The following DIP2C variants were observed in gnomAD, a reference collection of about 807,000 sequenced individuals.
The protein encoded by DIP2C is disco-interacting protein 2 homolog C.
In DIP2C, 33 loss-of-function variants were observed where a neutral mutation model predicts 192.4. That is an observed-to-expected ratio of 0.17 (90% CI 0.13 to 0.23). The LOEUF is 0.23. DIP2C is among the 10% of genes least tolerant of loss of function. The pLI, the probability that DIP2C is intolerant of heterozygous loss-of-function variation, is 1.00. For synonymous variants in DIP2C, 979 were observed against 864.1 expected, an observed-to-expected ratio of 1.13 and a Z score of -2.33; for missense variants, 1,537 against 2,110.1, an observed-to-expected ratio of 0.73 and a Z score of 5.32.
At chr10:498,650 A>T (rs1390852076) in intron 1 of DIP2C, among the ~76,000 whole-genome samples, 1 of 152,072 alleles carries the variant, frequency 6.6e-6, no homozygotes, top group African/African-American at 2.4e-5. Context: ...CAGAGAATAT[A>T]ATTTTTCAAT....
chr10:676,134 C>T (rs1338179928), intron 1 of DIP2C, among the ~76,000 whole-genome samples: 1 of 152,194 alleles, frequency 6.6e-6, no homozygotes, highest in Non-Finnish European at 1.5e-5. Context: ...CACGCTACAT[C>T]ACATCAACAG....
chr10:580,858 G>C (rs1214064808), intron 1 of DIP2C, among the ~76,000 whole-genome samples: 2 of 152,236 alleles, frequency 1.3e-5, no homozygotes, highest in African/African-American at 2.4e-5. Context: ...GCTCTGGCTT[G>C]ACTGTGGAGT....
intron 32 of DIP2C, among the ~76,000 whole-genome samples, chr10:296,406 A>G (rs1024992835): frequency 6.6e-6 from 1 of 152,098 alleles, no homozygotes; most frequent in Non-Finnish European, 1.5e-5. Flanking sequence ...TGGAGAGGGT[A>G]TGGAGAAACA....
rs375121438 is a variant in DIP2C at position 294,483 on chromosome 10, C to T, written c.3987-6062G>A. On this transcript the variant is annotated intron_variant, in intron 32 of 36. Transcript: ENST00000280886. ...TGAGCAAGGTGTGGTGGTGTGTACC[C>T]GCAGTCCCAACTACGTGGGAGTATC... is the stretch of plus-strand genomic sequence containing the variant. Among the ~76,000 whole-genome samples, 7 of 151,808 alleles carry T rather than the reference C, an allele frequency of 4.6e-5. No homozygotes were observed. The East Asian group carries it at 5.8e-4, about 13-fold the overall frequency.
At chr10:520,116 T>C (rs755186685) in intron 1 of DIP2C, among the ~76,000 whole-genome samples, 2 of 152,216 alleles carry the variant, frequency 1.3e-5, no homozygotes, top group Non-Finnish European at 2.9e-5. Flanking sequence ...GAACAGGTCA[T>C]GCAAGGAAGT....
chr10:548,527 C>T (rs921307289), intron 1 of DIP2C, among the ~76,000 whole-genome samples: 1 of 140,658 alleles, frequency 7.1e-6, no homozygotes, highest in South Asian at 2.3e-4. Flanking sequence ...GGGAGGCAGG[C>T]AGGCAGGCAG....
intron 1 of DIP2C, among the ~76,000 whole-genome samples, chr10:514,734 G>A (rs143310970): frequency 1.4e-4 from 21 of 152,018 alleles, no homozygotes; most frequent in African/African-American, 3.4e-4. Flanking sequence ...CCCTGCGTCC[G>A]GCTTGGAGGA....
chr10:378,585 GCA>G (rs1961934853), intron 17 of DIP2C, among the ~76,000 whole-genome samples: 1 of 87,642 alleles, frequency 1.1e-5, no homozygotes, highest in Non-Finnish European at 2.2e-5. Flanking sequence ...ACATGTGAAC[GCA>G]GACATAGACA....
intron 1 of DIP2C, among the ~76,000 whole-genome samples, chr10:673,076 C>G (rs1457103675): frequency 1.3e-5 from 2 of 152,122 alleles, no homozygotes; most frequent in African/African-American, 2.4e-5. Context: ...AATGAGCTTT[C>G]CCCGGCCTTG....
At chr10:375,946 G>A (rs952406266) in intron 17 of DIP2C, among the ~76,000 whole-genome samples, 4 of 152,162 alleles carry the variant, frequency 2.6e-5, no homozygotes, top group Admixed American at 6.5e-5. Flanking sequence ...ATTTAGAGAA[G>A]AAAGAGTTAA....
chr10:611,626 C>G (rs958804872), intron 1 of DIP2C, among the ~76,000 whole-genome samples: 4 of 152,196 alleles, frequency 2.6e-5, no homozygotes, highest in African/African-American at 9.7e-5. Flanking sequence ...CCTTGCACTT[C>G]CCTTGCTCTG....
chr10:507,533 CCAAT>C lies in DIP2C; in HGVS notation c.86-21007_86-21004del, dbSNP rs570394005. Among the ~76,000 whole-genome samples the C allele has an allele frequency of 7.0e-4, 106 of 152,118 alleles. 1 individual carries two copies. The highest frequency in any genetic ancestry group is 1.7e-3 in the Admixed American group (26 of 15,266). ...TTAGGGACCCGGTCACCCGCTGTGT[CCAAT>C]CAGAGGCGTGCGAGGTTAGGGACTG... On this transcript the variant is annotated intron_variant, in intron 1 of 36. Coordinates refer to ENST00000280886, the MANE Select transcript of DIP2C (RefSeq NM_014974.3).
intron 1 of DIP2C, among the ~76,000 whole-genome samples, chr10:488,577 T>C (rs1844187060): frequency 6.6e-6 from 1 of 152,208 alleles, no homozygotes; most frequent in Non-Finnish European, 1.5e-5. Flanking sequence ...CCTGGCTTCC[T>C]GGGCTTTCCT....
At chr10:320,508 C>CAAA (rs71505870) in intron 31 of DIP2C, among the ~76,000 whole-genome samples, 19 of 106,726 alleles carry the variant, frequency 1.8e-4, no homozygotes, top group Admixed American at 5.0e-4. Context: ...GACTCCGTCT[C>CAAA]AAAAAAAAAA....
At chr10:616,253 A>C (rs2386709) in intron 1 of DIP2C, among the ~76,000 whole-genome samples, 16,320 of 152,260 alleles carry the variant, frequency 0.11, 1,241 homozygotes, top group African/African-American at 0.21. Context: ...ACAAAATTTA[A>C]AGCTAATTTA....
chr10:482,010 G>C (rs1444889110), intron 2 of DIP2C, among the ~76,000 whole-genome samples: 2 of 152,244 alleles, frequency 1.3e-5, no homozygotes, highest in Non-Finnish European at 2.9e-5. Context: ...ACCCAACTAT[G>C]ACAGTGGTAT....
chr10:287,452 C>T (rs1391725296), intron 33 of DIP2C, among the ~76,000 whole-genome samples: 1 of 152,110 alleles, frequency 6.6e-6, no homozygotes, highest in African/African-American at 2.4e-5. Flanking sequence ...TTAAATCTCA[C>T]TTAAGTCTGA....
At chr10:527,816 C>T (rs913786380) in intron 1 of DIP2C, among the ~76,000 whole-genome samples, 5 of 152,230 alleles carry the variant, frequency 3.3e-5, no homozygotes, top group Non-Finnish European at 7.3e-5. Context: ...GAACCAGGTA[C>T]CGCTGAATGG....
At chr10:517,090 T>A (rs1360470381) in intron 1 of DIP2C, among the ~76,000 whole-genome samples, 1 of 151,712 alleles carries the variant, frequency 6.6e-6, no homozygotes, top group Non-Finnish European at 1.5e-5. Flanking sequence ...GTTGACAGAC[T>A]CCATGGAAAC....
Sources: allele counts gnomAD v4.1 joint callset (sites outside exome capture counted in the v4.1 genomes callset), GRCh38; gene constraint gnomAD v4.1.1; transcripts MANE v1.5; gene names NCBI Gene and HGNC (gene_info 2026-07-23, HGNC 2026-07-21).